The following TBC1D8 variants were observed in gnomAD, a reference collection of about 807,000 sequenced individuals.
The protein encoded by TBC1D8 is BUB2-like protein 1.
Under a neutral mutation model 118.8 loss-of-function variants are expected in TBC1D8, and 65 were observed. The observed-to-expected ratio is 0.55, with a 90% CI of 0.45 to 0.67. The LOEUF (loss-of-function observed/expected upper bound fraction) is 0.67, where lower values mean the gene tolerates loss of function less well. Ranked by LOEUF, TBC1D8 falls within the 30% of genes least tolerant of loss-of-function variation. The pLI is 0.00. For missense variants in TBC1D8, 1,376 were observed against 1,471.2 expected (o/e 0.94, Z 1.06); for synonymous variants, 566 against 595.8 (o/e 0.95, Z 0.73).
At chr2:101,151,382 TG>T (rs1402163912), upstream of TBC1D8, 27 of 928,274 alleles carry the variant, frequency 2.9e-5, no homozygotes, top group Non-Finnish European at 3.3e-5. Context: ...CCCAGCGCTC[TG>T]AGAGCCCGCG....
chr2:101,103,545 C>G (rs1017391653), intron 1 of TBC1D8, among the ~76,000 whole-genome samples: 7 of 152,032 alleles, frequency 4.6e-5, no homozygotes, highest in Non-Finnish European at 2.9e-5. Flanking sequence ...GCACCCGCCA[C>G]CACGCCCGGC....
intron 17 of TBC1D8, 127 bp from the exon 18 acceptor site, chr2:101,011,667 AGG>A (rs1679224207): frequency 1.1e-6 from 1 of 899,704 alleles, no homozygotes; most frequent in Non-Finnish European, 1.7e-6. Context: ...TAGTTTTTGC[AGG>A]GTCCACGAAC....
Position 101,042,854 on chromosome 2 carries a change from C to T in TBC1D8, c.873-2469G>A, listed in dbSNP as rs191427151. Among the ~76,000 whole-genome samples the T allele has an allele frequency of 5.9e-5, 9 of 152,184 alleles. No individual in the cohort carries two copies. In the South Asian group the frequency reaches 1.0e-3, roughly 18 times the overall value. ...GATAGTAAACTCTCAACTCTGGAAT[C>T]GGCTGCACACAGCTCAAGTGAGCTT... On this transcript the variant is annotated intron_variant, in intron 5 of 19. Coordinates refer to ENST00000409318, the MANE Select transcript of TBC1D8 (RefSeq NM_001330348.2).
At chr2:101,049,938 T>A (rs1217602298) in intron 5 of TBC1D8, among the ~76,000 whole-genome samples, 2 of 145,380 alleles carry the variant, frequency 1.4e-5, no homozygotes, top group Non-Finnish European at 3.0e-5. Context: ...GCCATTCTCC[T>A]GCCTCAGCCT....
intron 1 of TBC1D8, among the ~76,000 whole-genome samples, chr2:101,096,861 C>A (rs964451260): frequency 1.3e-5 from 2 of 150,832 alleles, no homozygotes; most frequent in Admixed American, 6.6e-5. Context: ...TGGAACAATT[C>A]CAAAAGGTAC....
At chr2:101,031,869 G>A (rs1023024359) in intron 11 of TBC1D8, among the ~76,000 whole-genome samples, 22 of 152,040 alleles carry the variant, frequency 1.4e-4, no homozygotes, top group African/African-American at 5.1e-4. Context: ...CTGAGCTACC[G>A]AGAGGCATCC....
chr2:101,047,710 C>G (rs550679972), intron 5 of TBC1D8, among the ~76,000 whole-genome samples: 1 of 152,328 alleles, frequency 6.6e-6, no homozygotes, highest in South Asian at 2.1e-4. Context: ...CTGCAGGCAC[C>G]CTGGCAGCTC....
chr2:101,077,647 T>C (rs1467972430), intron 2 of TBC1D8, among the ~76,000 whole-genome samples: 1 of 151,992 alleles, frequency 6.6e-6, no homozygotes. Context: ...TCAAGAGAAA[T>C]CTACCCCCAT....
chr2:101,013,726 C>G (rs772592481), intron 17 of TBC1D8, among the ~76,000 whole-genome samples: 4 of 152,214 alleles, frequency 2.6e-5, no homozygotes, highest in Non-Finnish European at 4.4e-5. Flanking sequence ...AAATGGGATG[C>G]CTGTGGAGGC....
rs542202279 is a variant in TBC1D8 at position 101,150,494 on chromosome 2, C to T, written c.127+633G>A. On this transcript the variant is annotated intron_variant, in intron 1 of 19. Coordinates refer to ENST00000409318, the MANE Select transcript of TBC1D8 (RefSeq NM_001330348.2). ...ATGCTTTGTTTTATCATCAACTTTACGAGCCTGGGTTTTTTTTCCTATCAT... is the reference window on the plus strand; with the variant it reads ...ATGCTTTGTTTTATCATCAACTTTATGAGCCTGGGTTTTTTTTCCTATCAT... 2.6e-5 allele frequency among the ~76,000 whole-genome samples: 4 copies of T among 152,294 alleles called. No homozygotes were observed. In the East Asian group the frequency reaches 7.7e-4, roughly 29 times the overall value.
chr2:101,049,419 A>G (rs548853333), intron 5 of TBC1D8, among the ~76,000 whole-genome samples: 1 of 152,184 alleles, frequency 6.6e-6, no homozygotes, highest in East Asian at 1.9e-4. Context: ...TCTACAAACT[A>G]ATTTCCTGTG....
In TBC1D8 at chr2:101,028,671, A is replaced by G. The variant is rs981875878; in HGVS notation, c.2223-239T>C. 3.5e-5 allele frequency: 16 copies of G among 457,684 alleles called. No individual in the cohort carries two copies. The East Asian group carries it at 5.2e-4, about 15-fold the overall frequency. 28.4% of individuals were successfully genotyped at this position (457,684 alleles called of 1,614,324 possible). On this transcript the variant is annotated intron_variant, in intron 12 of 19. Coordinates refer to ENST00000409318, the MANE Select transcript of TBC1D8 (RefSeq NM_001330348.2). ...GAAACTCTCCAGTGAAGTAAGCCCA[A>G]CATTCTGCGCATACATGCAAGGTTA...
At chr2:101,022,669 C>A in intron 15 of TBC1D8, 148 bp from the exon 16 acceptor site, 2 of 1,214,026 alleles carry the variant, frequency 1.6e-6, no homozygotes, top group South Asian at 1.8e-5. Context: ...GACATCCTTA[C>A]CCACATGAAC....
chr2:101,096,109 G>C (rs1370859425), intron 1 of TBC1D8, among the ~76,000 whole-genome samples: 3 of 152,084 alleles, frequency 2.0e-5, no homozygotes, highest in African/African-American at 7.2e-5. Flanking sequence ...TTTCTGTAGA[G>C]ATGGGGATCT....
intron 1 of TBC1D8, among the ~76,000 whole-genome samples, chr2:101,095,267 A>ATTATTATTATTATTATTATTAT (rs1278439167): frequency 6.7e-6 from 1 of 149,828 alleles, no homozygotes; most frequent in Non-Finnish European, 1.5e-5. Context: ...TATTATTATT[A>ATTATTATTATTATTATTATTAT]TACTTTAAGT....
At chr2:101,054,672 CTTTTTTTTTTT>C (rs34465252) in intron 3 of TBC1D8, among the ~76,000 whole-genome samples, 4 of 25,436 alleles carry the variant, frequency 1.6e-4, no homozygotes, top group South Asian at 2.2e-3. Flanking sequence ...CTTTTCTTTT[CTTTTTTTTTTT>C]TTTTTTTTTT....
At chr2:101,069,785 G>A (rs1347301278) in intron 2 of TBC1D8, among the ~76,000 whole-genome samples, 1 of 152,036 alleles carries the variant, frequency 6.6e-6, no homozygotes, top group African/African-American at 2.4e-5. Flanking sequence ...AATTTTATGG[G>A]ATTTTTTTTC....
At chr2:101,025,070 G>A (rs1045704161) in intron 15 of TBC1D8, among the ~76,000 whole-genome samples, 10 of 152,124 alleles carry the variant, frequency 6.6e-5, no homozygotes, top group Non-Finnish European at 1.5e-4. Flanking sequence ...CTTCTATGTG[G>A]GAAAGAAAAG....
intron 3 of TBC1D8, among the ~76,000 whole-genome samples, chr2:101,056,623 T>C (rs1682450529): frequency 6.6e-6 from 1 of 152,228 alleles, no homozygotes; most frequent in African/African-American, 2.4e-5. Context: ...AAGTTCTAGT[T>C]AAGAGAGATG....
Sources: allele counts gnomAD v4.1 joint callset (sites outside exome capture counted in the v4.1 genomes callset), GRCh38; gene constraint gnomAD v4.1.1; transcripts MANE v1.5; gene names NCBI Gene and HGNC (gene_info 2026-07-23, HGNC 2026-07-21).